MYO9B: variants seen among roughly 807,000 people sequenced by gnomAD.
MYO9B encodes the protein unconventional myosin-IXb.
In MYO9B, 71 loss-of-function variants were observed where a neutral mutation model predicts 229.5. That is an observed-to-expected ratio of 0.31 (90% confidence interval 0.26 to 0.38). The LOEUF (loss-of-function observed/expected upper bound fraction) is 0.38. Among genes scored for constraint, MYO9B ranks in the 10% least tolerant of loss-of-function variants. The probability of loss-of-function intolerance (pLI) is 1.00; values close to 1 mark genes in which losing one functional copy is unlikely to be tolerated. For synonymous variants in MYO9B, 1,185 were observed against 1,235.8 expected, an observed-to-expected ratio of 0.96 and a Z score of 0.86; for missense variants, 2,255 against 2,920.5, an observed-to-expected ratio of 0.77 and a Z score of 5.25.
At chr19:17,168,412 C>T (rs1335648492) in intron 11 of MYO9B, among the ~76,000 whole-genome samples, 2 of 152,106 alleles carry the variant, frequency 1.3e-5, no homozygotes, top group African/African-American at 2.4e-5. Flanking sequence ...GGGATCCTCC[C>T]GCCTTGGCCT....
At chr19:17,210,942 T>G in intron 38 of MYO9B, 94 bp downstream of exon 38, 2 of 1,449,834 alleles carry the variant, frequency 1.4e-6, no homozygotes, top group Non-Finnish European at 1.9e-6. Context: ...CTCGCCAGGT[T>G]TGGTCCTGTC....
chr19:17,159,849 G>A (rs2072578679), intron 8 of MYO9B, among the ~76,000 whole-genome samples: 2 of 152,234 alleles, frequency 1.3e-5, no homozygotes, highest in Non-Finnish European at 2.9e-5. Flanking sequence ...CTGCTTTGGA[G>A]CCATAGCAGC....
At chr19:17,103,059 A>G (rs2057760788) in intron 2 of MYO9B, among the ~76,000 whole-genome samples, 1 of 151,880 alleles carries the variant, frequency 6.6e-6, no homozygotes, top group Non-Finnish European at 1.5e-5. Flanking sequence ...TCTACAAAAA[A>G]AAAAAAAAAA....
intron 4 of MYO9B, among the ~76,000 whole-genome samples, chr19:17,153,056 C>T (rs903700252): frequency 6.6e-6 from 1 of 152,176 alleles, no homozygotes; most frequent in East Asian, 1.9e-4. Flanking sequence ...GCGGGAGGAT[C>T]GCCTGAGCCC....
intron 2 of MYO9B, among the ~76,000 whole-genome samples, chr19:17,112,250 CG>C (rs1421887388): frequency 6.6e-6 from 1 of 152,074 alleles, no homozygotes; most frequent in Non-Finnish European, 1.5e-5. Context: ...CTGCTTCGGG[CG>C]TGCTAATGGC....
At chr19:17,147,974 G>A (rs536344047) in intron 3 of MYO9B, among the ~76,000 whole-genome samples, 6 of 152,034 alleles carry the variant, frequency 3.9e-5, no homozygotes, top group African/African-American at 7.2e-5. Flanking sequence ...GAGCCACTGC[G>A]CCTGGCCATT....
intron 2 of MYO9B, among the ~76,000 whole-genome samples, chr19:17,106,742 A>G: frequency 6.6e-6 from 1 of 152,216 alleles, no homozygotes; most frequent in Admixed American, 6.5e-5. Flanking sequence ...CCTGGGTAAC[A>G]TTGCAAGACC....
chr19:17,171,883 G>A lies in MYO9B; in HGVS notation c.1794-453G>A, dbSNP rs972432160. On this transcript the variant is annotated intron_variant, in intron 11 of 39. Coordinates refer to ENST00000682292, the MANE Select transcript of MYO9B (RefSeq NM_004145.4). ...CAGGAGGTCAAGGCCACAGTGAGCT[G>A]TGATCGTACCACTACACTATAGCCT... Among the ~76,000 whole-genome samples the A allele has an allele frequency of 5.9e-5, 9 of 152,306 alleles. No homozygotes were observed. The East Asian group carries it at 1.5e-3, about 26-fold the overall frequency.
At chr19:17,121,465 C>A (rs1051725828) in intron 2 of MYO9B, among the ~76,000 whole-genome samples, 11 of 132,112 alleles carry the variant, frequency 8.3e-5, no homozygotes, top group African/African-American at 2.1e-4. Context: ...ATATATATAT[C>A]CAAGAGCTGC....
intron 14 of MYO9B, 200 bp from the exon 15 acceptor site, chr19:17,180,727 G>T: frequency 3.7e-6 from 2 of 537,050 alleles, no homozygotes; most frequent in Non-Finnish European, 6.6e-6. Context: ...CCGCTCCAGG[G>T]CTTGGGGAGG....
intron 13 of MYO9B, among the ~76,000 whole-genome samples, chr19:17,173,685 G>A (rs2145366378): frequency 6.6e-6 from 1 of 152,284 alleles, no homozygotes. Context: ...CCTAGACAGA[G>A]ATGGTTTGAG....
In MYO9B at chr19:17,101,069, C is replaced by T. The variant is rs2057740313; in HGVS notation, c.-58-591C>T. Among the ~76,000 whole-genome samples, 1 of 150,132 alleles carries T rather than the reference C, an allele frequency of 6.7e-6. No homozygotes were observed. The highest frequency in any genetic ancestry group is 2.5e-5 in the African/African-American group (1 of 40,714). On this transcript the variant is annotated intron_variant, in intron 1 of 39. Coordinates refer to ENST00000682292, the MANE Select transcript of MYO9B (RefSeq NM_004145.4). The surrounding 1 kb of genome is among the most constrained non-coding windows in gnomAD (Gnocchi z 4.7). The stretch of plus-strand genomic sequence containing the variant: ...AAGAGGGTCATGGCTTGTTGGGCTT[C>T]AGGATTGAGAGGCTGCCTCTGGATG...
chr19:17,111,903 T>C (rs1037371172), intron 2 of MYO9B, among the ~76,000 whole-genome samples: 42 of 152,234 alleles, frequency 2.8e-4, no homozygotes, highest in Admixed American at 2.7e-3. Flanking sequence ...TGTGTCTGGC[T>C]TCTCTCACTT....
intron 24 of MYO9B, among the ~76,000 whole-genome samples, chr19:17,199,689 T>TC (rs2073085312): frequency 1.5e-5 from 1 of 68,234 alleles, no homozygotes; most frequent in Non-Finnish European, 2.4e-5. Context: ...AATTTTTTTT[T>TC]CTTTTTTTTT....
In MYO9B at chr19:17,145,515, C is replaced by T. The variant is rs780887616; in HGVS notation, c.935+24C>T. 3.1e-6 allele frequency: 5 copies of T among 1,589,708 alleles called. No individual in the cohort carries two copies. In the Admixed American group the frequency reaches 8.3e-5, roughly 27 times the overall value. On this transcript the variant is annotated intron_variant, in intron 3 of 39. Transcript: ENST00000682292. ...GGGTGAGGTGTCCCTGGGGTCCCCA[C>T]TGGTGGGAGCTGGCCCCACGCACTG...
rs2072543103 is a variant in MYO9B at position 17,156,892 on chromosome 19, T to C, written c.1200-17T>C. 1 of 1,608,944 alleles carries C rather than the reference T, an allele frequency of 6.2e-7. No homozygotes were observed. The highest frequency in any genetic ancestry group is 1.1e-5 in the South Asian group (1 of 90,488). On this transcript the variant is annotated splice_polypyrimidine_tract_variant and intron_variant, in intron 6 of 39. Transcript: ENST00000682292. ...AACGTAGAAACTACCCAAATATGAG[T>C]GCCTTTTCTTTCCCAGGATTTTTGC...
chr19:17,155,392 G>A (rs1037990962), intron 6 of MYO9B, among the ~76,000 whole-genome samples: 2 of 152,040 alleles, frequency 1.3e-5, no homozygotes, highest in African/African-American at 4.8e-5. Context: ...TGTTGCCCAG[G>A]CTAATTTTGA....
chr19:17,192,955 C>T lies in MYO9B; in HGVS notation c.3021C>T (p.Tyr1007=). 6.5e-7 allele frequency: 1 copy of T among 1,535,732 alleles called. No homozygotes were observed. Among genetic ancestry groups the T allele is most frequent in the Non-Finnish European group, 8.8e-7 (1 of 1,136,164 alleles). Residue 1007 remains tyrosine, a synonymous_variant, in exon 21 of 40, where the codon TAC becomes TAT. Transcript: ENST00000682292. ...RALERTQAAV[Y]LQASWRGYWQ... ...TGGAGAGGACGCAGGCTGCCGTGTA[C>T]CTCCAGGCCTCATGGAGGGGCTACT...
chr19:17,110,124 G>C (rs983373105), intron 2 of MYO9B, among the ~76,000 whole-genome samples: 1 of 152,160 alleles, frequency 6.6e-6, no homozygotes, highest in Non-Finnish European at 1.5e-5. Flanking sequence ...TCAGCTCCCC[G>C]AAAGGAGAAG....
Sources: gnomAD v4.1 joint callset for allele counts (sites outside exome capture counted in the v4.1 genomes callset) on GRCh38, gnomAD v4.1.1 for gene constraint, Gnocchi (gnomAD v3.1) non-coding constraint, MANE v1.5 for transcripts, NCBI Gene and HGNC (gene_info 2026-07-23, HGNC 2026-07-21) for gene names.